Variants in ATP8A1 observed in about 807,000 individuals in gnomAD.
ATP8A1 encodes the protein phospholipid-transporting ATPase IA.
In ATP8A1, 90 loss-of-function variants were observed where a neutral mutation model predicts 177.7. The observed-to-expected ratio is 0.51, with a 90% CI of 0.43 to 0.60. ATP8A1 has a LOEUF of 0.60. ATP8A1 is among the 20% of genes least tolerant of loss of function. The pLI is 0.00. For missense variants in ATP8A1, 1,072 were observed against 1,392.8 expected (o/e 0.77, Z 3.67); for synonymous variants, 493 against 485.9 (o/e 1.01, Z -0.19).
At chr4:42,431,802 G>A (rs1715339850) in intron 33 of ATP8A1, among the ~76,000 whole-genome samples, 1 of 152,106 alleles carries the variant, frequency 6.6e-6, no homozygotes, top group South Asian at 2.1e-4. Context: ...TATCTGCCAT[G>A]GTCTGAGGTC....
rs544090890 is a variant in ATP8A1, at chr4:42,622,807, C to T, written c.363+1729G>A. On this transcript the variant is annotated intron_variant, in intron 4 of 36. Coordinates refer to ENST00000381668, the MANE Select transcript of ATP8A1 (RefSeq NM_006095.2). Reference sequence around the variant, plus strand: ...GGTGGATTGCCTGAGGTCGGGAGTTCGAGACCAGCCTGACCAACATGAAGA... The same window carrying T: ...GGTGGATTGCCTGAGGTCGGGAGTTTGAGACCAGCCTGACCAACATGAAGA... Among the ~76,000 whole-genome samples, 10 of 152,192 alleles carry T rather than the reference C, an allele frequency of 6.6e-5. No homozygotes were observed. In the South Asian group the frequency reaches 1.2e-3, roughly 19 times the overall value.
intron 33 of ATP8A1, among the ~76,000 whole-genome samples, chr4:42,440,728 T>C (rs997777738): frequency 2.0e-5 from 3 of 152,218 alleles, no homozygotes; most frequent in African/African-American, 7.2e-5. Flanking sequence ...CAGATCTTGG[T>C]TGCCTTTTTA....
At chr4:42,472,126 G>A (rs1578001569) in intron 25 of ATP8A1, 4 of 668,526 alleles carry the variant, frequency 6.0e-6, no homozygotes, top group Non-Finnish European at 1.1e-5. Context: ...AAGCCAGCTT[G>A]AAAAAGCCAT....
At position 42,414,733 on chromosome 4, in the gene ATP8A1, C is replaced by CAAAT. The variant is rs1560298836; in HGVS notation, c.3306-19_3306-16dup. 6.2e-7 allele frequency: 1 copy of CAAAT among 1,607,796 alleles called. No individual in the cohort carries two copies. The highest frequency in any genetic ancestry group is 8.5e-7 in the Non-Finnish European group (1 of 1,174,402). ...TCTCGGTCAGGCTGCAGAGCAGGTG[C>CAAAT]AAATGTGTGAAATGAATTATCAACT... On this transcript the variant is annotated splice_polypyrimidine_tract_variant and intron_variant, in intron 35 of 36. Coordinates refer to ENST00000381668, the MANE Select transcript of ATP8A1 (RefSeq NM_006095.2).
intron 25 of ATP8A1, among the ~76,000 whole-genome samples, chr4:42,466,876 G>A (rs1719832102): frequency 6.6e-6 from 1 of 152,162 alleles, no homozygotes; most frequent in Non-Finnish European, 1.5e-5. Flanking sequence ...GACTATAGTT[G>A]ACATTTAGTA....
In ATP8A1 at chr4:42,409,455, C is replaced by G. The variant is rs901548706; in HGVS notation, c.*3461G>C. 2.0e-5 allele frequency: 3 copies of G among 152,052 alleles called. No individual in the cohort carries two copies. Among genetic ancestry groups the G allele is most frequent in the Non-Finnish European group, 4.4e-5 (3 of 67,968 alleles). 9.4% of individuals were successfully genotyped at this position (152,052 alleles called of 1,614,324 possible). On this transcript the variant is annotated 3_prime_UTR_variant, in exon 37 of 37. Transcript: ENST00000381668. ...TATAGAAATGTTCATCATTAAAAAG[C>G]ATTTATTAGGCACTGAACTGCATGA...
chr4:42,630,465 C>A (rs148604335), intron 1 of ATP8A1, among the ~76,000 whole-genome samples: 1 of 152,118 alleles, frequency 6.6e-6, no homozygotes, highest in Non-Finnish European at 1.5e-5. Context: ...AGGCGAGTGC[C>A]GTTCTTGATC....
rs11306052 is a variant in ATP8A1 at position 42,624,642 on chromosome 4, GAA to G, written c.265-10_265-9del. On this transcript the variant is annotated splice_polypyrimidine_tract_variant and intron_variant, in intron 3 of 36. Transcript: ENST00000381668. ...TGACACATCAGGTATTTGCTGTTTG[GAA>G]AAAAAAAAAAAAGAGAAATCCAATG... is the stretch of plus-strand genomic sequence containing the variant. 0.051 allele frequency: 46,922 copies of G among 919,402 alleles called. No homozygotes were observed. The highest frequency in any genetic ancestry group is 0.064 in the South Asian group (2,187 of 33,990). 57.0% of individuals were successfully genotyped at this position (919,402 alleles called of 1,614,324 possible). A position where few individuals can be genotyped will look rare whatever the true frequency, so the allele number is the denominator to read the frequency against.
At chr4:42,495,822 C>G (rs967157609) in intron 24 of ATP8A1, among the ~76,000 whole-genome samples, 9 of 151,974 alleles carry the variant, frequency 5.9e-5, no homozygotes, top group African/African-American at 2.2e-4. Flanking sequence ...AGGAAGGCGG[C>G]CCAACGAACG....
intron 20 of ATP8A1, 65 bp downstream of exon 20, chr4:42,543,852 T>C: frequency 2.6e-6 from 3 of 1,172,236 alleles, no homozygotes; most frequent in Middle Eastern, 2.0e-4. Flanking sequence ...TTCCATAGAA[T>C]GCCTAACATA....
chr4:42,625,686 G>C lies in ATP8A1; in HGVS notation c.192C>G (p.Phe64Leu). 2 of 1,606,544 alleles carry C rather than the reference G, an allele frequency of 1.2e-6. No individual in the cohort carries two copies. The highest frequency in any genetic ancestry group is 1.7e-6 in the Non-Finnish European group (2 of 1,176,224). The stretch of plus-strand genomic sequence containing the variant: ...ACTGAGAGTAGAGAAATCTTGGAAG[G>C]AATGTGATTATGTTGTATTTTGCAG... ...VSTAKYNIITFLPRFLYSQFR... is the reference protein window; with the variant it reads ...VSTAKYNIITLLPRFLYSQFR... Residue 64 changes from phenylalanine (F) to leucine (L), a missense_variant, in exon 3 of 37, where the codon TTC becomes TTG. Coordinates refer to ENST00000381668, the MANE Select transcript of ATP8A1 (RefSeq NM_006095.2).
At position 42,651,119 on chromosome 4, in the gene ATP8A1, C is replaced by T. The variant is rs58722954; in HGVS notation, c.49+5706G>A. ...TGCACAAGCTCTCTCTGCCTGCTGC[C>T]ATCCATGTAAGATCTGACTTGCTCC... On this transcript the variant is annotated intron_variant, in intron 1 of 36. Transcript: ENST00000381668. Among the ~76,000 whole-genome samples, 1,321 of 152,282 alleles carry T rather than the reference C, an allele frequency of 8.7e-3. 16 individuals are homozygous for T. The highest frequency in any genetic ancestry group is 0.03 in the African/African-American group (1,249 of 41,542).
At position 42,414,305 on chromosome 4, in the gene ATP8A1, G is replaced by A. The variant is rs185710238; in HGVS notation, c.3397+322C>T. Among the ~76,000 whole-genome samples, 14 of 152,286 alleles carry A rather than the reference G, an allele frequency of 9.2e-5. No homozygotes were observed. The East Asian group carries it at 2.3e-3, about 25-fold the overall frequency. On this transcript the variant is annotated intron_variant, in intron 36 of 36. Coordinates refer to ENST00000381668, the MANE Select transcript of ATP8A1 (RefSeq NM_006095.2). ...GAAAGGCTCTTGCAAAGTTATTCAA[G>A]TAGAAAAGATAACAAGACAGGGGCA...
At chr4:42,545,596 C>G (rs548434739) in intron 19 of ATP8A1, among the ~76,000 whole-genome samples, 1 of 152,320 alleles carries the variant, frequency 6.6e-6, no homozygotes, top group South Asian at 2.1e-4. Context: ...TACAGCACAC[C>G]TTCTCCATTC....
At position 42,423,648 on chromosome 4, in the gene ATP8A1, C is replaced by T. The variant is rs200291526; in HGVS notation, c.3181G>A (p.Ala1061Thr). ...FWMGLLFIPV[A>T]SLLLDVVYKV... ...TACACCACATCAAGGAGCAGAGATG[C>T]CACAGGGATGAATAACAAGCCCATC... The change falls in exon 34 of 37, where the codon GCA (alanine) becomes ACA (threonine). Residue 1061 changes from alanine to threonine, a missense_variant. Transcript: ENST00000381668. 2.0e-5 allele frequency: 32 copies of T among 1,612,602 alleles called. No individual in the cohort carries two copies. In the East Asian group the frequency reaches 6.0e-4, roughly 30 times the overall value.
At chr4:42,587,863 C>G (rs1365843837) in intron 8 of ATP8A1, among the ~76,000 whole-genome samples, 1 of 152,188 alleles carries the variant, frequency 6.6e-6, no homozygotes, top group Non-Finnish European at 1.5e-5. Flanking sequence ...CTGCCTCAGC[C>G]TCTCAAAGTG....
At chr4:42,641,502 CT>C (rs71648739) in intron 1 of ATP8A1, among the ~76,000 whole-genome samples, 29,876 of 147,240 alleles carry the variant, frequency 0.2, 3,029 homozygotes, top group East Asian at 0.25. Flanking sequence ...TTTTAAATTT[CT>C]TTTTTTTTTT....
intron 20 of ATP8A1, among the ~76,000 whole-genome samples, chr4:42,525,112 C>A (rs1726549311): frequency 6.6e-6 from 1 of 151,972 alleles, no homozygotes; most frequent in Non-Finnish European, 1.5e-5. Flanking sequence ...ACCTCACTTA[C>A]CTTCCACATG....
At chr4:42,485,737 GA>G in intron 24 of ATP8A1, 69 bp from the exon 25 acceptor site, 1 of 1,305,012 alleles carries the variant, frequency 7.7e-7, no homozygotes, top group Non-Finnish European at 1.0e-6. Context: ...ATGCCTTAAG[GA>G]TATTTGGCAA....
Sources: gnomAD v4.1 joint callset for allele counts (sites outside exome capture counted in the v4.1 genomes callset) on GRCh38, gnomAD v4.1.1 for gene constraint, MANE v1.5 for transcripts, NCBI Gene and HGNC (gene_info 2026-07-23, HGNC 2026-07-21) for gene names.